TOMM22: variants seen among roughly 807,000 people sequenced by gnomAD.
The protein encoded by TOMM22 is translocase of outer mitochondrial membrane 22, also known as mitochondrial import receptor subunit TOM22 homolog.
In TOMM22, 3 loss-of-function variants were observed where a neutral mutation model predicts 17.1. The ratio of observed to expected loss-of-function variants is 0.18; its 90% confidence interval spans 0.08 to 0.45. The LOEUF (loss-of-function observed/expected upper bound fraction) is 0.45, where lower values mean the gene tolerates loss of function less well. Ranked by LOEUF, TOMM22 falls within the 20% of genes least tolerant of loss-of-function variation. The probability of loss-of-function intolerance (pLI) is 0.99; values close to 1 mark genes in which losing one functional copy is unlikely to be tolerated. For missense variants in TOMM22, 159 were observed against 179.5 expected (o/e 0.89, Z 0.65); for synonymous variants, 91 against 74.0 (o/e 1.23, Z -1.18).
At chr22:38,683,233 A>G (rs546030523) in intron 3 of TOMM22, among the ~76,000 whole-genome samples, 7 of 152,156 alleles carry the variant, frequency 4.6e-5, no homozygotes, top group Non-Finnish European at 7.4e-5. Context: ...AAATAATTCT[A>G]TAACGTAGAA....
rs1161462267 is a variant in TOMM22, at chr22:38,683,785, A to C, written c.373A>C (p.Thr125Pro). 6.2e-7 allele frequency: 1 copy of C among 1,613,916 alleles called. No individual in the cohort carries two copies. Among genetic ancestry groups the C allele is most frequent in the Non-Finnish European group, 8.5e-7 (1 of 1,179,940 alleles). Residue 125 changes from threonine to proline, a missense_variant, in exon 4 of 4, where the codon ACA becomes CCA. This residue lies in a region of TOMM22 where 33 missense variants were observed against 34.7 expected (regional missense o/e 0.95). Coordinates refer to ENST00000216034, the MANE Select transcript of TOMM22 (RefSeq NM_020243.5). Reference sequence around the variant, plus strand: ...TTTCCAGATACTTCTAGGACCTAACACAGGGCTCTCAGGAGGAATGCCAGG... The same window carrying C: ...TTTCCAGATACTTCTAGGACCTAACCCAGGGCTCTCAGGAGGAATGCCAGG... The part of the protein sequence containing the change: ...QQRQILLGPN[T>P]GLSGGMPGAL...
intron 3 of TOMM22, 138 bp downstream of exon 3, chr22:38,683,134 C>CG: frequency 2.6e-5 from 1 of 38,320 alleles, no homozygotes; most frequent in Non-Finnish European, 4.5e-5. Flanking sequence ...TTGGGGGTGG[C>CG]CGGGGGTCGG....
rs1351240594 is a variant in TOMM22 at position 38,683,788 on chromosome 22, G to T, written c.376G>T (p.Gly126Trp). The T allele has an allele frequency of 6.2e-7, 1 of 1,613,914 alleles. No individual in the cohort carries two copies. The highest frequency in any genetic ancestry group is 8.5e-7 in the Non-Finnish European group (1 of 1,179,978). Residue 126 changes from glycine to tryptophan, a missense_variant, in exon 4 of 4, where the codon GGG (glycine) becomes TGG (tryptophan). Physicochemically the swap from Gly to Trp is radical, Grantham distance 184. Coordinates refer to ENST00000216034, the MANE Select transcript of TOMM22 (RefSeq NM_020243.5). ...CCAGATACTTCTAGGACCTAACACA[G>T]GGCTCTCAGGAGGAATGCCAGGGGC... ...QRQILLGPNT[G>W]LSGGMPGALP...
At chr22:38,683,722 C>G (rs747725233) in intron 3 of TOMM22, 45 bp from the exon 4 acceptor site, 35 of 1,515,874 alleles carry the variant, frequency 2.3e-5, no homozygotes, top group Non-Finnish European at 2.9e-5. Context: ...AGAATAAGCT[C>G]TCTAGGCCTG....
rs1174536849 is a variant in TOMM22, at chr22:38,682,928, G to A, written c.286G>A (p.Val96Ile). Residue 96 changes from valine (V) to isoleucine (I), a missense_variant, in exon 3 of 4, where the codon GTT (valine) becomes ATT (isoleucine). By Grantham distance (29) the Val-to-Ile change is conservative. This residue lies in a region of TOMM22 where 19 missense variants were observed against 44.6 expected (regional missense o/e 0.43). Coordinates refer to ENST00000216034, the MANE Select transcript of TOMM22 (RefSeq NM_020243.5). ...TGGGACCACTTCCTTTATGATCCTGGTTCTTCCCGTTGTCTTTGAGACGGA... is the reference window on the plus strand; with the variant it reads ...TGGGACCACTTCCTTTATGATCCTGATTCTTCCCGTTGTCTTTGAGACGGA... ...WIGTTSFMIL[V>I]LPVVFETEKL... The A allele has an allele frequency of 1.2e-6, 2 of 1,613,726 alleles. No homozygotes were observed. Among genetic ancestry groups the A allele is most frequent in the East Asian group, 4.5e-5 (2 of 44,880 alleles).
intron 2 of TOMM22, 29 bp downstream of exon 2, chr22:38,682,470 A>ACAC: frequency 6.3e-7 from 1 of 1,586,424 alleles, no homozygotes; most frequent in Non-Finnish European, 8.7e-7. Context: ...GGCACTGGGT[A>ACAC]CGTGCATGGG....
Position 38,684,014 on chromosome 22 carries a change from G to A in TOMM22, c.*173G>A. On this transcript the variant is annotated 3_prime_UTR_variant, in exon 4 of 4. Transcript: ENST00000216034. ...ATGGAAAGACTCAACTTGCAACTGT[G>A]CCCTCCACACTATCCTTACTTCTGT... The A allele has an allele frequency of 1.7e-6, 1 of 599,830 alleles. No individual in the cohort carries two copies. Among genetic ancestry groups the A allele is most frequent in the Non-Finnish European group, 3.0e-6 (1 of 335,998 alleles). The allele number at this position is 599,830 out of a possible 1,614,324, so 37.2% of individuals were successfully genotyped here.
In TOMM22 at chr22:38,684,832, C is replaced by A. The variant is rs1011138317; in HGVS notation, c.*991C>A. 2 of 142,384 alleles carry A rather than the reference C, an allele frequency of 1.4e-5. No homozygotes were observed. The highest frequency in any genetic ancestry group is 5.3e-5 in the African/African-American group (2 of 38,028). The allele number at this position is 142,384 out of a possible 1,614,324, so 8.8% of individuals were successfully genotyped here. On this transcript the variant is annotated 3_prime_UTR_variant, in exon 4 of 4. Transcript: ENST00000216034. ...TTTTTTTTTTTTTTTTGCCTGAGAT[C>A]AGGTCTCACTGGAGTACAGTGGTGT... is the stretch of plus-strand genomic sequence containing the variant.
At chr22:38,682,298 A>G (rs2145795376) in intron 1 of TOMM22, 25 bp from the exon 2 acceptor site, 2 of 1,608,582 alleles carry the variant, frequency 1.2e-6, no homozygotes, top group East Asian at 2.2e-5. Flanking sequence ...TTTTTCGGCT[A>G]AGACCCGCGT....
At chr22:38,682,541 C>A in intron 2 of TOMM22, 100 bp downstream of exon 2, 2 of 1,075,282 alleles carry the variant, frequency 1.9e-6, no homozygotes, top group Non-Finnish European at 2.8e-6. Flanking sequence ...GTTGGGTGAC[C>A]TTGGGCTTGT....
At chr22:38,682,834 G>GTTTGCATGTCTTC (rs977593849) in intron 2 of TOMM22, 45 bp from the exon 3 acceptor site, 4 of 1,564,348 alleles carry the variant, frequency 2.6e-6, no homozygotes, top group Non-Finnish European at 3.5e-6. Context: ...TGCCTGTTTT[G>GTTTGCATGTCTTC]TTTGCATGTC....
At position 38,685,068 on chromosome 22, in the gene TOMM22, C is replaced by T. The variant is rs1319453267; in HGVS notation, c.*1227C>T. 6.6e-6 allele frequency: 1 copy of T among 152,192 alleles called. No homozygotes were observed. Among genetic ancestry groups the T allele is most frequent in the Non-Finnish European group, 1.5e-5 (1 of 68,054 alleles). The allele number at this position is 152,192 out of a possible 1,614,324, so 9.4% of individuals were successfully genotyped here. A position where few individuals can be genotyped will look rare whatever the true frequency, so the allele number is the denominator to read the frequency against. Reference sequence around the variant, plus strand: ...AAAGTGCTGGGATTATAGGCGTCACCCACCACGCCCAGCCAGAGTAAGCCT... The same window carrying T: ...AAAGTGCTGGGATTATAGGCGTCACTCACCACGCCCAGCCAGAGTAAGCCT... On this transcript the variant is annotated 3_prime_UTR_variant, in exon 4 of 4. Coordinates refer to ENST00000216034, the MANE Select transcript of TOMM22 (RefSeq NM_020243.5).
chr22:38,682,984 G>T lies in TOMM22; in HGVS notation c.342G>T (p.Leu114=), dbSNP rs1218746808. 6.2e-7 allele frequency: 1 copy of T among 1,613,686 alleles called. No individual in the cohort carries two copies. The part of the protein sequence containing the change: ...EKLQMEQQQQ[L]QQRQILLGPN... ...TGCAAATGGAGCAACAGCAGCAACT[G>T]CAGCAGCGGCAGGTGAGCCCAGACC... is the stretch of plus-strand genomic sequence containing the variant. Residue 114 remains leucine, a synonymous_variant, in exon 3 of 4, where the codon CTG becomes CTT. Coordinates refer to ENST00000216034, the MANE Select transcript of TOMM22 (RefSeq NM_020243.5).
rs1210071654 is a variant in TOMM22 at position 38,684,115 on chromosome 22, G to C, written c.*274G>C. 1 of 400,902 alleles carries C rather than the reference G, an allele frequency of 2.5e-6. No individual in the cohort carries two copies. The highest frequency in any genetic ancestry group is 4.5e-6 in the Non-Finnish European group (1 of 219,934). 24.8% of individuals were successfully genotyped at this position (400,902 alleles called of 1,614,324 possible). On this transcript the variant is annotated 3_prime_UTR_variant, in exon 4 of 4. Transcript: ENST00000216034. Reference sequence around the variant, plus strand: ...GTCACCCGACTCCTTTCACCAAATTGCTCCTAACTGGAAGATCTCACTTTC... The same window carrying C: ...GTCACCCGACTCCTTTCACCAAATTCCTCCTAACTGGAAGATCTCACTTTC...
At chr22:38,683,025 G>C in intron 3 of TOMM22, 29 bp downstream of exon 3, 1 of 1,598,264 alleles carries the variant, frequency 6.3e-7, no homozygotes, top group Non-Finnish European at 8.6e-7. Flanking sequence ...CTTTTTGCCA[G>C]TGGTGGAGAC....
rs2092488256 is a variant in TOMM22 at position 38,684,074 on chromosome 22, G to A, written c.*233G>A. Reference sequence around the variant, plus strand: ...GATACCAGAGTGCAGCCATGCAGATGGTTATTCCAGCTCTGGTCACCCGAC... The same window carrying A: ...GATACCAGAGTGCAGCCATGCAGATAGTTATTCCAGCTCTGGTCACCCGAC... On this transcript the variant is annotated 3_prime_UTR_variant, in exon 4 of 4. Coordinates refer to ENST00000216034, the MANE Select transcript of TOMM22 (RefSeq NM_020243.5). The A allele has an allele frequency of 1.4e-5, 7 of 489,422 alleles. No individual in the cohort carries two copies. Among genetic ancestry groups the A allele is most frequent in the East Asian group, 1.2e-4 (4 of 33,644 alleles). 30.3% of individuals were successfully genotyped at this position (489,422 alleles called of 1,614,324 possible).
intron 2 of TOMM22, among the ~76,000 whole-genome samples, 191 bp downstream of exon 2, chr22:38,682,632 G>A (rs576600121): frequency 1.3e-5 from 2 of 151,958 alleles, no homozygotes; most frequent in Non-Finnish European, 2.9e-5. Flanking sequence ...ATTTCAGATT[G>A]TTGGAGATAA....
chr22:38,682,389 G>A lies in TOMM22; in HGVS notation c.184G>A (p.Ala62Thr). 1 of 1,614,180 alleles carries A rather than the reference G, an allele frequency of 6.2e-7. No individual in the cohort carries two copies. The highest frequency in any genetic ancestry group is 8.5e-7 in the Non-Finnish European group (1 of 1,180,028). ...GATGTTTCCGGAGAGGGTCCGGTCCGCGGCCGGAGCCACTTTTGATCTTTC... is the reference window on the plus strand; with the variant it reads ...GATGTTTCCGGAGAGGGTCCGGTCCACGGCCGGAGCCACTTTTGATCTTTC... ...TEMFPERVRS[A>T]AGATFDLSLF... The change falls in exon 2 of 4, where the codon GCG becomes ACG. Residue 62 changes from alanine (A) to threonine (T), a missense_variant. Ala to Thr is a moderately conservative substitution (Grantham distance 58). Around this residue, in one of 3 missense-constraint regions of TOMM22, gnomAD observed 107 missense variants for 100.2 expected, o/e 1.07. Coordinates refer to ENST00000216034, the MANE Select transcript of TOMM22 (RefSeq NM_020243.5).
chr22:38,683,102 C>G (rs2092484239), intron 3 of TOMM22, 106 bp downstream of exon 3: 1 of 290,866 alleles, frequency 3.4e-6, no homozygotes, highest in Admixed American at 4.4e-5. Context: ...TCATGGAACA[C>G]AGTTTTTACA....
Sources: gnomAD v4.1 joint callset for allele counts (sites outside exome capture counted in the v4.1 genomes callset) on GRCh38, gnomAD v4.1.1 for gene constraint, gnomAD v4.1.1 regional missense constraint, MANE v1.5 for transcripts, NCBI Gene and HGNC (gene_info 2026-07-23, HGNC 2026-07-21) for gene names.